The following ZDHHC5 variants were observed in gnomAD, a reference collection of about 807,000 sequenced individuals.
ZDHHC5 encodes zDHHC palmitoyltransferase 5.
A neutral mutation model predicts 70.0 loss-of-function variants in ZDHHC5; 22 were observed. The observed-to-expected ratio is 0.31, with a 90% CI of 0.22 to 0.45. The LOEUF is 0.45. Among genes scored for constraint, ZDHHC5 ranks in the 20% least tolerant of loss-of-function variants. The probability of loss-of-function intolerance (pLI) is 1.00; values close to 1 mark genes in which losing one functional copy is unlikely to be tolerated. For missense variants in ZDHHC5, 746 were observed against 926.9 expected (o/e 0.80, Z 2.53); for synonymous variants, 313 against 347.8 (o/e 0.90, Z 1.11).
intron 3 of ZDHHC5, among the ~76,000 whole-genome samples, chr11:57,686,966 G>T (rs569886581): frequency 2.6e-5 from 4 of 152,112 alleles, no homozygotes; most frequent in Non-Finnish European, 5.9e-5. Context: ...AAGTAGCTGG[G>T]ATTACAGGCG....
intron 10 of ZDHHC5, among the ~76,000 whole-genome samples, chr11:57,697,855 C>T (rs761332077): frequency 6.8e-5 from 10 of 147,140 alleles, no homozygotes; most frequent in Non-Finnish European, 1.3e-4. Context: ...AAAAAAAGGC[C>T]AAGCACAGTG....
At chr11:57,689,317 G>T (rs1206942688) in intron 4 of ZDHHC5, among the ~76,000 whole-genome samples, 1 of 151,988 alleles carries the variant, frequency 6.6e-6, no homozygotes, top group East Asian at 1.9e-4. Flanking sequence ...GTCACTTTTA[G>T]AGTTCCTTGG....
intron 3 of ZDHHC5, among the ~76,000 whole-genome samples, chr11:57,687,267 T>TC (rs397744902): frequency 5.3e-5 from 8 of 151,510 alleles, no homozygotes; most frequent in Non-Finnish European, 1.0e-4. Flanking sequence ...ATTTTTTTTT[T>TC]CTAGGTTAAT....
intron 2 of ZDHHC5, among the ~76,000 whole-genome samples, chr11:57,681,021 C>A (rs17454419): frequency 6.6e-6 from 1 of 152,158 alleles, no homozygotes; most frequent in Non-Finnish European, 1.5e-5. Context: ...TATTTACTAT[C>A]TAAAAAGCCT....
intron 4 of ZDHHC5, among the ~76,000 whole-genome samples, chr11:57,689,800 C>G (rs937209989): frequency 6.6e-6 from 1 of 152,024 alleles, no homozygotes; most frequent in Non-Finnish European, 1.5e-5. Flanking sequence ...CCCCAGCCCC[C>G]CAAGTAGCTG....
intron 2 of ZDHHC5, among the ~76,000 whole-genome samples, chr11:57,674,679 C>A (rs543973494): frequency 6.6e-6 from 1 of 152,236 alleles, no homozygotes; most frequent in African/African-American, 2.4e-5. Flanking sequence ...GGAAAACTCC[C>A]CATATTTAGC....
chr11:57,688,013 C>T (rs552448546), intron 3 of ZDHHC5, among the ~76,000 whole-genome samples: 11 of 152,020 alleles, frequency 7.2e-5, no homozygotes, highest in Middle Eastern at 3.4e-3. Flanking sequence ...TCAGGCAATC[C>T]GCCCTTCTCG....
intron 2 of ZDHHC5, 57 bp from the exon 3 acceptor site, chr11:57,682,365 A>G (rs1242626686): frequency 5.1e-5 from 80 of 1,557,974 alleles, no homozygotes; most frequent in Non-Finnish European, 6.7e-5. Context: ...TTTTGTATGT[A>G]TGGTTCGTGT....
intron 2 of ZDHHC5, among the ~76,000 whole-genome samples, chr11:57,674,537 G>A (rs986765695): frequency 6.6e-6 from 1 of 152,230 alleles, no homozygotes; most frequent in South Asian, 2.1e-4. Context: ...GTTATTCAGA[G>A]CAACATGAGG....
chr11:57,692,079 C>T (rs1191434865), intron 6 of ZDHHC5, among the ~76,000 whole-genome samples: 2 of 152,058 alleles, frequency 1.3e-5, no homozygotes, highest in African/African-American at 2.4e-5. Flanking sequence ...CGCAGTGGCA[C>T]GATCTCGGCT....
At chr11:57,669,196 C>T (rs2135371508) in intron 1 of ZDHHC5, among the ~76,000 whole-genome samples, 1 of 152,312 alleles carries the variant, frequency 6.6e-6, no homozygotes, top group Non-Finnish European at 1.5e-5. Context: ...TTGGCTCTTT[C>T]TCCCATACCT....
At position 57,698,417 on chromosome 11, in the gene ZDHHC5, A is replaced by G; in HGVS notation, c.1123-142A>G. On this transcript the variant is annotated intron_variant, in intron 10 of 11. Coordinates refer to ENST00000287169, the MANE Select transcript of ZDHHC5 (RefSeq NM_015457.3). ...ATTTGCCTGAATTCAGTTTTTCTTG[A>G]GGGATTAACCCAGATAATGCATGTA... The G allele has an allele frequency of 3.4e-6, 4 of 1,187,288 alleles. No individual in the cohort carries two copies. In the East Asian group the frequency reaches 9.5e-5, roughly 28 times the overall value. 73.5% of individuals were successfully genotyped at this position (1,187,288 alleles called of 1,614,324 possible). A position where few individuals can be genotyped will look rare whatever the true frequency, so the allele number is the denominator to read the frequency against.
chr11:57,696,713 CA>C, intron 9 of ZDHHC5, 47 bp from the exon 10 acceptor site: 1 of 1,575,746 alleles, frequency 6.3e-7, no homozygotes, highest in Non-Finnish European at 8.7e-7. Context: ...TCTCTTAAAC[CA>C]AAAAACCGCT....
chr11:57,681,592 T>A (rs1307509227), intron 2 of ZDHHC5: 1 of 152,202 alleles, frequency 6.6e-6, no homozygotes, highest in African/African-American at 2.4e-5. Flanking sequence ...CTACGTAGAT[T>A]CAAATCCTGA....
chr11:57,699,563 C>A (rs11604333), intron 11 of ZDHHC5, 145 bp downstream of exon 11: 4 of 1,254,698 alleles, frequency 3.2e-6, no homozygotes, highest in South Asian at 1.5e-5. Context: ...TTGACTCTAC[C>A]TGCCTTCATG....
chr11:57,678,615 C>T (rs1946106051), intron 2 of ZDHHC5, among the ~76,000 whole-genome samples: 1 of 150,148 alleles, frequency 6.7e-6, no homozygotes, highest in Admixed American at 6.7e-5. Context: ...AGCAGTGGCT[C>T]ACACCTGTAA....
chr11:57,688,434 T>G (rs577089182), intron 3 of ZDHHC5, 74 bp from the exon 4 acceptor site: 1 of 1,422,538 alleles, frequency 7.0e-7, no homozygotes, highest in South Asian at 1.6e-5. Flanking sequence ...AGCTATATTT[T>G]AAACATCATT....
chr11:57,689,881 C>A, intron 4 of ZDHHC5, 150 bp from the exon 5 acceptor site: 3 of 1,075,172 alleles, frequency 2.8e-6, no homozygotes, highest in Non-Finnish European at 4.0e-6. Context: ...GTCTCCCTTG[C>A]AGATTTATAG....
intron 2 of ZDHHC5, among the ~76,000 whole-genome samples, chr11:57,676,878 A>AG (rs1369982844): frequency 7.2e-6 from 1 of 138,620 alleles, no homozygotes; most frequent in Admixed American, 7.6e-5. Context: ...AGCTGGTGGG[A>AG]GGGGGCAGGA....
Sources: allele counts gnomAD v4.1 joint callset (sites outside exome capture counted in the v4.1 genomes callset), GRCh38; gene constraint gnomAD v4.1.1; transcripts MANE v1.5; gene names NCBI Gene and HGNC (gene_info 2026-07-23, HGNC 2026-07-21).